LSM4: variants seen among roughly 807,000 people sequenced by gnomAD.
The protein encoded by LSM4 is U6 snRNA-associated Sm-like protein LSm4.
Under a neutral mutation model 22.3 loss-of-function variants are expected in LSM4, and 15 were observed. That is an observed-to-expected ratio of 0.67 (90% CI 0.45 to 1.03). The LOEUF is 1.03. Among genes scored for constraint, LSM4 ranks in the 50% least tolerant of loss-of-function variants. The probability of loss-of-function intolerance (pLI) is 0.00; values close to 1 mark genes in which losing one functional copy is unlikely to be tolerated. For missense variants in LSM4, 127 were observed against 198.0 expected (o/e 0.64, Z 2.15); for synonymous variants, 90 against 79.8 (o/e 1.13, Z -0.68).
chr19:18,306,774 T>A lies in LSM4; in HGVS notation c.*690A>T, dbSNP rs1251558150. 1 of 152,242 alleles carries A rather than the reference T, an allele frequency of 6.6e-6. No individual in the cohort carries two copies. The highest frequency in any genetic ancestry group is 1.9e-4 in the East Asian group (1 of 5,196). 9.4% of individuals were successfully genotyped at this position (152,242 alleles called of 1,614,324 possible). On this transcript the variant is annotated 3_prime_UTR_variant, in exon 5 of 5. Coordinates refer to ENST00000593829, the MANE Select transcript of LSM4 (RefSeq NM_012321.5). ...GTAAAAGGACATCAGTGCCTCACTGTGCCGCTGACACCTGGTGAGAACTCT... is the reference window on the plus strand; with the variant it reads ...GTAAAAGGACATCAGTGCCTCACTGAGCCGCTGACACCTGGTGAGAACTCT...
Position 18,314,271 on chromosome 19 carries a change from A to G in LSM4, c.46-1569T>C, listed in dbSNP as rs149121677. 5.1e-3 allele frequency among the ~76,000 whole-genome samples: 781 copies of G among 152,180 alleles called. 10 individuals are homozygous for G. The highest frequency in any genetic ancestry group is 0.034 in the Admixed American group (514 of 15,272). On this transcript the variant is annotated intron_variant, in intron 2 of 4. Coordinates refer to ENST00000593829, the MANE Select transcript of LSM4 (RefSeq NM_012321.5). ...AGGCCGGGCGTGAGCCTGTAATCCC[A>G]GCACTTTGGGAGGCCGAGGCGGGCG...
chr19:18,311,976 G>A (rs986271446), intron 3 of LSM4, among the ~76,000 whole-genome samples: 1 of 152,186 alleles, frequency 6.6e-6, no homozygotes, highest in African/African-American at 2.4e-5. Context: ...GGGAAGGTTG[G>A]TGGGAGGAGT....
At position 18,307,519 on chromosome 19, in the gene LSM4, C is replaced by T; in HGVS notation, c.365G>A (p.Gly122Asp). 6.4e-7 allele frequency: 1 copy of T among 1,554,400 alleles called. No homozygotes were observed. The highest frequency in any genetic ancestry group is 1.2e-5 in the South Asian group (1 of 83,532). ...CTTCTCTGGCTGGCCTCTGCCTGTG[C>T]CCGGGATCCCACCTCGGCCCCGGCC... The part of the protein sequence containing the change: ...FGGRGRGGIP[G>D]TGRGQPEKKP... Residue 122 changes from glycine to aspartate, a missense_variant, in exon 5 of 5, where the codon GGC becomes GAC. By Grantham distance (94) the Gly-to-Asp change is moderately conservative. Coordinates refer to ENST00000593829, the MANE Select transcript of LSM4 (RefSeq NM_012321.5).
rs377409315 is a variant in LSM4, at chr19:18,310,245, C to T, written c.145-384G>A. 8.3e-4 allele frequency: 205 copies of T among 246,822 alleles called. 1 individual carries two copies. The highest frequency in any genetic ancestry group is 4.2e-3 in the African/African-American group (185 of 43,556). 15.3% of individuals were successfully genotyped at this position (246,822 alleles called of 1,614,324 possible). On this transcript the variant is annotated intron_variant, in intron 3 of 4. Transcript: ENST00000593829. ...GCCCAAAGCCCAGAGCGGGTGGGGG[C>T]CTCCCTGTGCACCAGACACAGCCGA...
In LSM4 at chr19:18,316,168, G is replaced by A. The variant is rs757029358; in HGVS notation, c.4-103C>T. 10 of 1,028,516 alleles carry A rather than the reference G, an allele frequency of 9.7e-6. No homozygotes were observed. The Admixed American group carries it at 1.8e-4, about 19-fold the overall frequency. The allele number at this position is 1,028,516 out of a possible 1,614,324, so 63.7% of individuals were successfully genotyped here. A position where few individuals can be genotyped will look rare whatever the true frequency, so the allele number is the denominator to read the frequency against. On this transcript the variant is annotated intron_variant, in intron 1 of 4. Transcript: ENST00000593829. ...CTCATAGATGGTGCGGTGCGGTTGAGGGGGCACAGGAGTGCGTGTCAATCA... is the reference window on the plus strand; with the variant it reads ...CTCATAGATGGTGCGGTGCGGTTGAAGGGGCACAGGAGTGCGTGTCAATCA...
In LSM4 at chr19:18,309,660, T is replaced by C. The variant is rs1395189028; in HGVS notation, c.328+18A>G. 4.4e-6 allele frequency: 7 copies of C among 1,575,944 alleles called. No homozygotes were observed. The highest frequency in any genetic ancestry group is 6.0e-6 in the Non-Finnish European group (7 of 1,164,282). On this transcript the variant is annotated intron_variant, in intron 4 of 4. Coordinates refer to ENST00000593829, the MANE Select transcript of LSM4 (RefSeq NM_012321.5). ...GTCTTCCCGCCCCAGGTACGTCCAC[T>C]GGAGAGGGGAGACCCACCTCGGCCA...
At chr19:18,310,088 G>A (rs775097793) in intron 3 of LSM4, 4 of 547,950 alleles carry the variant, frequency 7.3e-6, no homozygotes, top group South Asian at 2.5e-5. Flanking sequence ...TGTGGTAGGC[G>A]CAGCCCCCAT....
At chr19:18,308,832 G>A (rs1250466029) in intron 4 of LSM4, among the ~76,000 whole-genome samples, 1 of 152,236 alleles carries the variant, frequency 6.6e-6, no homozygotes, top group Non-Finnish European at 1.5e-5. Context: ...AGGACCAGCT[G>A]TGCTAGGGTG....
In LSM4 at chr19:18,320,658, G is replaced by A. The variant is rs770380231; in HGVS notation, c.3+2360C>T. ...TACTGAAAATACAAAAATTATCCAGGTGTGGTGGTGCGTGCCTGTAATCAC... is the reference window on the plus strand; with the variant it reads ...TACTGAAAATACAAAAATTATCCAGATGTGGTGGTGCGTGCCTGTAATCAC... On this transcript the variant is annotated intron_variant, in intron 1 of 4. Transcript: ENST00000593829. 3.3e-5 allele frequency among the ~76,000 whole-genome samples: 5 copies of A among 152,212 alleles called. No homozygotes were observed. The South Asian group carries it at 6.2e-4, about 19-fold the overall frequency.
At chr19:18,321,165 C>CTGAATGAA (rs540934062) in intron 1 of LSM4, among the ~76,000 whole-genome samples, 1 of 152,218 alleles carries the variant, frequency 6.6e-6, no homozygotes, top group Non-Finnish European at 1.5e-5. Context: ...TGGGAAGGGG[C>CTGAATGAA]TGAATGAATG....
At position 18,316,016 on chromosome 19, in the gene LSM4, G is replaced by A; in HGVS notation, c.45+8C>T. 6.2e-7 allele frequency: 1 copy of A among 1,613,316 alleles called. No individual in the cohort carries two copies. Among genetic ancestry groups the A allele is most frequent in the Non-Finnish European group, 8.5e-7 (1 of 1,179,570 alleles). Reference sequence around the variant, plus strand: ...CAAACAGGCTTTCCCAGACCACTGAGTACTCACCATGGGGTGATTCTGAGC... The same window carrying A: ...CAAACAGGCTTTCCCAGACCACTGAATACTCACCATGGGGTGATTCTGAGC... On this transcript the variant is annotated splice_region_variant and intron_variant, in intron 2 of 4. Coordinates refer to ENST00000593829, the MANE Select transcript of LSM4 (RefSeq NM_012321.5).
chr19:18,317,955 G>A (rs1269732738), intron 1 of LSM4, among the ~76,000 whole-genome samples: 2 of 152,202 alleles, frequency 1.3e-5, no homozygotes, highest in Non-Finnish European at 2.9e-5. Flanking sequence ...TACGCTGGGA[G>A]CTGCCTCGGG....
intron 2 of LSM4, 129 bp from the exon 3 acceptor site, chr19:18,312,831 T>C: frequency 1.5e-6 from 1 of 679,870 alleles, no homozygotes; most frequent in Non-Finnish European, 2.6e-6. Context: ...CCCAGACCCC[T>C]AAATGGCCTT....
At chr19:18,313,945 A>T (rs1970324762) in intron 2 of LSM4, among the ~76,000 whole-genome samples, 1 of 151,912 alleles carries the variant, frequency 6.6e-6, no homozygotes, top group African/African-American at 2.4e-5. Flanking sequence ...TCAACCTCCC[A>T]AGTAGCTGGG....
intron 4 of LSM4, chr19:18,309,451 CT>C (rs1343674184): frequency 1.8e-6 from 1 of 551,016 alleles, no homozygotes. Flanking sequence ...GGGGAGGTGA[CT>C]TGATGTGCCC....
Position 18,312,566 on chromosome 19 carries a change from C to G in LSM4, c.144+38G>C, listed in dbSNP as rs1041488531. 19 of 1,555,184 alleles carry G rather than the reference C, an allele frequency of 1.2e-5. No homozygotes were observed. In the African/African-American group the frequency reaches 2.2e-4, roughly 18 times the overall value. ...GGAGGGAGGAGGCTGAGTGTGCACC[C>G]CCTGCATCCCACCCCCGTTGGTGGG... On this transcript the variant is annotated intron_variant, in intron 3 of 4. Transcript: ENST00000593829.
chr19:18,315,281 CTG>C (rs1300618372), intron 2 of LSM4, among the ~76,000 whole-genome samples: 5 of 152,080 alleles, frequency 3.3e-5, no homozygotes, highest in Non-Finnish European at 7.4e-5. Flanking sequence ...TCCCAACTAA[CTG>C]GAACTACAGG....
chr19:18,322,877 G>A (rs1970440262), intron 1 of LSM4, 141 bp downstream of exon 1: 12 of 1,274,320 alleles, frequency 9.4e-6, no homozygotes, highest in South Asian at 3.8e-5. Flanking sequence ...CAGTTTCCCA[G>A]CCTCGTGCCG....
At chr19:18,308,864 G>A (rs1411719163) in intron 4 of LSM4, among the ~76,000 whole-genome samples, 3 of 152,180 alleles carry the variant, frequency 2.0e-5, no homozygotes, top group Non-Finnish European at 4.4e-5. Context: ...GGGGGTTACT[G>A]CGAGGCTGCT....
Sources: allele counts gnomAD v4.1 joint callset (sites outside exome capture counted in the v4.1 genomes callset), GRCh38; gene constraint gnomAD v4.1.1; transcripts MANE v1.5; gene names NCBI Gene and HGNC (gene_info 2026-07-23, HGNC 2026-07-21).